LDLRAD4: variants seen among roughly 807,000 people sequenced by gnomAD.
LDLRAD4 encodes low-density lipoprotein receptor class A domain-containing protein 4.
Under a neutral mutation model 17.0 loss-of-function variants are expected in LDLRAD4, and 5 were observed. The ratio of observed to expected loss-of-function variants is 0.29; its 90% CI spans 0.15 to 0.62. The LOEUF is 0.62. Ranked by LOEUF, LDLRAD4 falls within the 20% of genes least tolerant of loss-of-function variation. LDLRAD4 has a pLI of 0.84. For synonymous variants in LDLRAD4, 168 were observed against 171.8 expected, an observed-to-expected ratio of 0.98 and a Z score of 0.17; for missense variants, 340 against 424.7, an observed-to-expected ratio of 0.80 and a Z score of 1.75.
intron 2 of LDLRAD4, among the ~76,000 whole-genome samples, chr18:13,415,128 T>C (rs2088755200): frequency 6.6e-6 from 1 of 152,122 alleles, no homozygotes; most frequent in African/African-American, 2.4e-5. Flanking sequence ...GGGAGGCTGG[T>C]TGTGGGGGCA....
At chr18:13,569,563 G>A (rs1266053807) in intron 3 of LDLRAD4, among the ~76,000 whole-genome samples, 1 of 152,160 alleles carries the variant, frequency 6.6e-6, no homozygotes, top group Non-Finnish European at 1.5e-5. Flanking sequence ...CCTTTTGATA[G>A]AAACGAATGA....
At chr18:13,600,556 C>A (rs2095149328) in intron 3 of LDLRAD4, among the ~76,000 whole-genome samples, 2 of 152,194 alleles carry the variant, frequency 1.3e-5, no homozygotes, top group African/African-American at 4.8e-5. Context: ...ACTTCCAGGG[C>A]ATTCAGCTGG....
At chr18:13,555,741 T>A (rs1282141661) in intron 3 of LDLRAD4, among the ~76,000 whole-genome samples, 1 of 152,108 alleles carries the variant, frequency 6.6e-6, no homozygotes, top group African/African-American at 2.4e-5. Flanking sequence ...CTGTAATTAG[T>A]CAAAGACACA....
chr18:13,642,406 C>T, intron 4 of LDLRAD4: 2 of 1,104,858 alleles, frequency 1.8e-6, no homozygotes, highest in Non-Finnish European at 2.2e-6. Flanking sequence ...TACTTTTTTT[C>T]CCAGCACGCG....
intron 3 of LDLRAD4, among the ~76,000 whole-genome samples, chr18:13,497,025 G>C (rs1273392112): frequency 5.9e-5 from 9 of 152,142 alleles, no homozygotes; most frequent in Non-Finnish European, 1.5e-5. Flanking sequence ...TAAGTAAGAT[G>C]AATTACTGTG....
intron 1 of LDLRAD4, among the ~76,000 whole-genome samples, chr18:13,269,260 A>G (rs567905233): frequency 1.3e-5 from 2 of 152,368 alleles, no homozygotes; most frequent in African/African-American, 4.8e-5. Flanking sequence ...AGTGGCTCCC[A>G]AGCTGAGCAA....
intron 1 of LDLRAD4, among the ~76,000 whole-genome samples, chr18:13,346,145 T>C (rs2082674352): frequency 6.6e-6 from 1 of 152,256 alleles, no homozygotes; most frequent in South Asian, 2.1e-4. Flanking sequence ...TTGCTCTTGC[T>C]TCTCTAGTTC....
intron 3 of LDLRAD4, among the ~76,000 whole-genome samples, chr18:13,528,263 C>T (rs565571661): frequency 1.3e-5 from 2 of 152,332 alleles, no homozygotes; most frequent in Admixed American, 6.5e-5. Context: ...GAGCTGGAGA[C>T]GCCTTACCTG....
chr18:13,377,681 G>A (rs1321836540), intron 1 of LDLRAD4, among the ~76,000 whole-genome samples: 1 of 152,106 alleles, frequency 6.6e-6, no homozygotes, highest in African/African-American at 2.4e-5. Flanking sequence ...TGTCATAATG[G>A]ACATACTCAG....
At chr18:13,284,843 A>C (rs1009794890) in intron 1 of LDLRAD4, among the ~76,000 whole-genome samples, 6 of 152,056 alleles carry the variant, frequency 3.9e-5, no homozygotes, top group African/African-American at 1.4e-4. Context: ...TCCTGAGATG[A>C]CTCGCCCGTG....
At chr18:13,643,338 C>T (rs771380420) in intron 4 of LDLRAD4, 21 bp from the exon 6 acceptor site, 2 of 1,464,964 alleles carry the variant, frequency 1.4e-6, no homozygotes, top group Admixed American at 2.3e-5. Flanking sequence ...CCCCCACTCT[C>T]CTCCCCTTCC....
chr18:13,552,353 G>C (rs2094442959), intron 3 of LDLRAD4, among the ~76,000 whole-genome samples: 1 of 152,254 alleles, frequency 6.6e-6, no homozygotes, highest in Admixed American at 6.5e-5. Flanking sequence ...TGGAAGGCAT[G>C]CCTGCATGTC....
At position 13,608,388 on chromosome 18, in the gene LDLRAD4, G is replaced by A. The variant is rs184650565; in HGVS notation, c.182-12729G>A. Reference sequence around the variant, plus strand: ...GGGCATACCGAGAAGCCCTGGGGGTGAGAGCTGGGGCTGGGACCTGGGCTG... The same window carrying A: ...GGGCATACCGAGAAGCCCTGGGGGTAAGAGCTGGGGCTGGGACCTGGGCTG... On this transcript the variant is annotated intron_variant, in intron 3 of 5. Coordinates refer to ENST00000359446, the Ensembl canonical transcript of LDLRAD4. Among the ~76,000 whole-genome samples the A allele has an allele frequency of 2.6e-4, 40 of 152,302 alleles. 1 individual carries two copies. The East Asian group carries it at 7.7e-3, about 29-fold the overall frequency.
exon 2 of LDLRAD4, chr18:13,387,468 C>T: frequency 2.4e-6 from 1 of 424,394 alleles, no homozygotes; most frequent in Non-Finnish European, 4.2e-6. Flanking sequence ...GGGCCAGCCC[C>T]TCCACCCGCG....
In LDLRAD4 at chr18:13,488,322, C is replaced by T. The variant is rs886617221; in HGVS notation, c.181+49938C>T. 3 of 152,518 alleles carry T rather than the reference C, an allele frequency of 2.0e-5. 1 individual carries two copies. The highest frequency in any genetic ancestry group is 4.1e-4 in the South Asian group (2 of 4,826). 9.4% of individuals were successfully genotyped at this position (152,518 alleles called of 1,614,324 possible). On this transcript the variant is annotated intron_variant, in intron 3 of 5. Coordinates refer to ENST00000359446, the Ensembl canonical transcript of LDLRAD4. ...CCCTCTGTGGGCCCCTCTGGGCCCTCGCATCCCACTGCCTTGGAGAGGAGA... is the reference window on the plus strand; with the variant it reads ...CCCTCTGTGGGCCCCTCTGGGCCCTTGCATCCCACTGCCTTGGAGAGGAGA...
chr18:13,477,895 AGG>A (rs2092984968), intron 3 of LDLRAD4, among the ~76,000 whole-genome samples: 1 of 152,194 alleles, frequency 6.6e-6, no homozygotes, highest in Non-Finnish European at 1.5e-5. Flanking sequence ...CTCACTGGTT[AGG>A]GGAAACTGGC....
chr18:13,522,037 A>G (rs2093960497), intron 3 of LDLRAD4: 1 of 151,866 alleles, frequency 6.6e-6, no homozygotes, highest in South Asian at 2.1e-4. Flanking sequence ...TAGTTAACAA[A>G]TGCTACTTGT....
chr18:13,389,983 GTT>G (rs71366049), intron 2 of LDLRAD4, among the ~76,000 whole-genome samples: 1 of 147,648 alleles, frequency 6.8e-6, no homozygotes, highest in East Asian at 1.9e-4. Flanking sequence ...CCCAGCTCAC[GTT>G]TTTTTTTATT....
intron 2 of LDLRAD4, chr18:13,421,325 C>T (rs2089430092): frequency 6.6e-6 from 1 of 152,292 alleles, no homozygotes; most frequent in Non-Finnish European, 1.5e-5. Flanking sequence ...ACCTGGCTTC[C>T]ACCCCTCTCC....
Sources: gnomAD v4.1 joint callset for allele counts (sites outside exome capture counted in the v4.1 genomes callset) on GRCh38, gnomAD v4.1.1 for gene constraint, MANE v1.5 for transcripts, NCBI Gene and HGNC (gene_info 2026-07-23, HGNC 2026-07-21) for gene names.